Variants in TMEFF1 observed in about 807,000 individuals in gnomAD.
TMEFF1 encodes the protein transmembrane protein with EGF like and two follistatin like domains 1.
Under a neutral mutation model 47.5 loss-of-function variants are expected in TMEFF1, and 20 were observed. The ratio of observed to expected loss-of-function variants is 0.42; its 90% confidence interval spans 0.30 to 0.61. The LOEUF (loss-of-function observed/expected upper bound fraction) is 0.61, where lower values mean the gene tolerates loss of function less well. TMEFF1 is among the 20% of genes least tolerant of loss of function. The pLI is 0.19. For synonymous variants in TMEFF1, 162 were observed against 166.3 expected (o/e 0.97, Z 0.20); for missense variants, 411 against 471.1 (o/e 0.87, Z 1.18).
intron 5 of TMEFF1, 21 bp downstream of exon 5, chr9:100,516,792 G>T: frequency 6.2e-7 from 1 of 1,609,346 alleles, no homozygotes; most frequent in African/African-American, 1.3e-5. Flanking sequence ...TGAGGGGAAG[G>T]GACAAAGTTA....
chr9:100,510,646 T>G (rs1837945042), intron 3 of TMEFF1, among the ~76,000 whole-genome samples: 1 of 152,090 alleles, frequency 6.6e-6, no homozygotes, highest in Admixed American at 6.5e-5. Flanking sequence ...ATTTTTTTTT[T>G]GTATTTTTTG....
intron 5 of TMEFF1, among the ~76,000 whole-genome samples, chr9:100,532,501 T>C (rs1172630575): frequency 6.6e-6 from 1 of 152,100 alleles, no homozygotes; most frequent in Non-Finnish European, 1.5e-5. Flanking sequence ...TCATCATCAC[T>C]GGCCATCAGA....
intron 9 of TMEFF1, among the ~76,000 whole-genome samples, chr9:100,574,268 T>C (rs535053282): frequency 6.6e-6 from 1 of 152,208 alleles, no homozygotes; most frequent in South Asian, 2.1e-4. Flanking sequence ...AGTGAACATA[T>C]GAGGTAGGGG....
At chr9:100,537,973 G>A (rs946288896) in intron 5 of TMEFF1, among the ~76,000 whole-genome samples, 2 of 151,902 alleles carry the variant, frequency 1.3e-5, no homozygotes, top group African/African-American at 4.8e-5. Context: ...ATATTCAAAA[G>A]TGTATGAAAA....
intron 3 of TMEFF1, among the ~76,000 whole-genome samples, chr9:100,509,556 G>T (rs2118361550): frequency 6.6e-6 from 1 of 152,104 alleles, no homozygotes; most frequent in South Asian, 2.1e-4. Context: ...GGCAGATTAC[G>T]AGGTCAGGAG....
In TMEFF1 at chr9:100,561,397, A is replaced by G. The variant is rs1342268058; in HGVS notation, c.776A>G (p.Asp259Gly). 1.6e-5 allele frequency: 25 copies of G among 1,611,986 alleles called. No homozygotes were observed. Among genetic ancestry groups the G allele is most frequent in the Non-Finnish European group, 2.0e-5 (23 of 1,179,258 alleles). ...ACGATCTGGTTTATGTTCTTTTAAG[A>G]TGCTAGTGATCAAAGAGAAGATGTT... Reference protein sequence around the residue: ...DGLQYRPDVKDASDQREDVYI... With the variant: ...DGLQYRPDVKGASDQREDVYI... Residue 259 changes from aspartate to glycine, a missense_variant and splice_region_variant, in exon 8 of 10, where the codon GAT becomes GGT. Transcript: ENST00000374879.
At position 100,547,800 on chromosome 9, in the gene TMEFF1, A is replaced by G; in HGVS notation, c.617A>G (p.Asp206Gly). The G allele has an allele frequency of 6.2e-7, 1 of 1,609,950 alleles. No individual in the cohort carries two copies. Among genetic ancestry groups the G allele is most frequent in the Non-Finnish European group, 8.5e-7 (1 of 1,178,610 alleles). The part of the protein sequence containing the change: ...GYSFNPVCAS[D>G]GSSYNNPCFV... ...AGTTTTAATCCTGTGTGTGCTTCTGATGGGAGTTCCTATAACAATCCCTGT... is the reference window on the plus strand; with the variant it reads ...AGTTTTAATCCTGTGTGTGCTTCTGGTGGGAGTTCCTATAACAATCCCTGT... The change falls in exon 6 of 10, where the codon GAT becomes GGT. Residue 206 changes from aspartate (D) to glycine (G), a missense_variant. Transcript: ENST00000374879.
chr9:100,531,555 G>A (rs1356413341), intron 5 of TMEFF1, among the ~76,000 whole-genome samples: 2 of 152,186 alleles, frequency 1.3e-5, no homozygotes, highest in East Asian at 3.9e-4. Context: ...TCTTCAAGGA[G>A]AACTACAAAC....
At chr9:100,481,127 C>T (rs865951180) in intron 1 of TMEFF1, among the ~76,000 whole-genome samples, 5 of 152,196 alleles carry the variant, frequency 3.3e-5, no homozygotes, top group Non-Finnish European at 7.3e-5. Flanking sequence ...AAATTACAGC[C>T]TTCTCCACCT....
intron 1 of TMEFF1, among the ~76,000 whole-genome samples, chr9:100,475,011 C>A (rs142498984): frequency 3.5e-4 from 53 of 152,284 alleles, no homozygotes; most frequent in Non-Finnish European, 5.7e-4. Context: ...TGATCATAAG[C>A]CACATCCTTG....
Position 100,473,875 on chromosome 9 carries a change from C to T in TMEFF1, c.196+135C>T, listed in dbSNP as rs561456276. The stretch of plus-strand genomic sequence containing the variant: ...GGGTGGGCCCGAGGGTGAGCGAGGG[C>T]GGAGGGCAGGGCGCGAGCGTGCGGT... On this transcript the variant is annotated intron_variant, in intron 1 of 9. Coordinates refer to ENST00000374879, the MANE Select transcript of TMEFF1 (RefSeq NM_003692.5). This position sits in a 1 kb window ranked among gnomAD's most constrained non-coding sequence, Gnocchi z 5.4. 542 of 1,121,038 alleles carry T rather than the reference C, an allele frequency of 4.8e-4. 1 individual carries two copies. In the African/African-American group the frequency reaches 8.1e-3, roughly 17 times the overall value. The allele number at this position is 1,121,038 out of a possible 1,614,324, so 69.4% of individuals were successfully genotyped here.
intron 1 of TMEFF1, among the ~76,000 whole-genome samples, chr9:100,493,230 T>G (rs1358315640): frequency 2.0e-5 from 3 of 152,210 alleles, no homozygotes; most frequent in Non-Finnish European, 2.9e-5. Context: ...AAGAATTATC[T>G]GGTTCCAAAT....
chr9:100,490,117 G>T (rs1327262590), intron 1 of TMEFF1, among the ~76,000 whole-genome samples: 1 of 152,154 alleles, frequency 6.6e-6, no homozygotes, highest in Non-Finnish European at 1.5e-5. Flanking sequence ...ATGCAAAATG[G>T]AATGAAAAAT....
intron 1 of TMEFF1, among the ~76,000 whole-genome samples, chr9:100,479,931 G>A (rs904868208): frequency 1.3e-5 from 2 of 152,144 alleles, no homozygotes; most frequent in Non-Finnish European, 2.9e-5. Flanking sequence ...TTCACATTTT[G>A]AGGAATTACC....
At chr9:100,567,634 G>C (rs1186593517) in intron 8 of TMEFF1, among the ~76,000 whole-genome samples, 1 of 152,146 alleles carries the variant, frequency 6.6e-6, no homozygotes, top group Non-Finnish European at 1.5e-5. Context: ...GAGACAGTGG[G>C]AGTGAATGGG....
intron 7 of TMEFF1, among the ~76,000 whole-genome samples, chr9:100,552,121 C>CT (rs1838835984): frequency 1.3e-5 from 2 of 152,252 alleles, no homozygotes; most frequent in South Asian, 4.1e-4. Flanking sequence ...AGAAAGACAG[C>CT]TTGGGGCCAG....
intron 1 of TMEFF1, among the ~76,000 whole-genome samples, chr9:100,478,540 T>C (rs931129952): frequency 6.6e-6 from 1 of 152,220 alleles, no homozygotes; most frequent in African/African-American, 2.4e-5. Context: ...GAACAAGACT[T>C]CTTTTGTTGT....
intron 9 of TMEFF1, 40 bp from the exon 10 acceptor site, chr9:100,576,476 A>G (rs112818513): frequency 5.7e-5 from 91 of 1,600,486 alleles, no homozygotes; most frequent in African/African-American, 5.7e-4. Flanking sequence ...CAAAATCATC[A>G]AAACAATATT....
chr9:100,490,656 G>A (rs1837530636), intron 1 of TMEFF1, among the ~76,000 whole-genome samples: 1 of 151,440 alleles, frequency 6.6e-6, no homozygotes, highest in Non-Finnish European at 1.5e-5. Flanking sequence ...TTCGTCTGTG[G>A]TATAGCAAAC....
Sources: gnomAD v4.1 joint callset for allele counts (sites outside exome capture counted in the v4.1 genomes callset) on GRCh38, gnomAD v4.1.1 for gene constraint, Gnocchi (gnomAD v3.1) non-coding constraint, MANE v1.5 for transcripts, NCBI Gene and HGNC (gene_info 2026-07-23, HGNC 2026-07-21) for gene names.